The following CCNY variants were observed in gnomAD, a reference collection of about 807,000 sequenced individuals.
The protein encoded by CCNY is cyclin-Y.
A neutral mutation model predicts 42.8 loss-of-function variants in CCNY; 19 were observed. The observed-to-expected ratio is 0.44, with a 90% CI of 0.31 to 0.65. CCNY has a LOEUF of 0.65. Among genes scored for constraint, CCNY ranks in the 30% least tolerant of loss-of-function variants. CCNY has a pLI of 0.07. For missense variants in CCNY, 370 were observed against 437.3 expected (o/e 0.85, Z 1.37); for synonymous variants, 165 against 162.7 (o/e 1.01, Z -0.11).
chr10:35,448,854 C>G (rs1039871821), intron 1 of CCNY, among the ~76,000 whole-genome samples: 1 of 152,022 alleles, frequency 6.6e-6, no homozygotes, highest in African/African-American at 2.4e-5. Context: ...GGCAGGATTC[C>G]TGTGGCAACT....
chr10:35,516,953 C>G (rs1840443201), intron 4 of CCNY, among the ~76,000 whole-genome samples: 1 of 151,480 alleles, frequency 6.6e-6, no homozygotes, highest in African/African-American at 2.4e-5. Flanking sequence ...TGCTTTCTAC[C>G]CTTGCACTTT....
chr10:35,310,190 T>C (rs1413514806), intron 3 of CCNY, among the ~76,000 whole-genome samples: 1 of 152,226 alleles, frequency 6.6e-6, no homozygotes, highest in Non-Finnish European at 1.5e-5. Flanking sequence ...TGTCTTTCTG[T>C]GCCTGGCTTA....
chr10:35,525,115 C>T (rs945939117), intron 4 of CCNY, among the ~76,000 whole-genome samples: 43 of 151,642 alleles, frequency 2.8e-4, no homozygotes, highest in Non-Finnish European at 2.1e-4. Context: ...GTAAATTATT[C>T]GACAATCATA....
Position 35,494,234 on chromosome 10 carries a change from A to ACCCC in CCNY, c.230-7259_230-7256dup, listed in dbSNP as rs3067564. Among the ~76,000 whole-genome samples, 123 of 109,774 alleles carry ACCCC rather than the reference A, an allele frequency of 1.1e-3. 2 individuals are homozygous for ACCCC. Among genetic ancestry groups the ACCCC allele is most frequent in the Non-Finnish European group, 1.6e-3 (86 of 54,146 alleles). 72.0% of individuals were successfully genotyped at this position (109,774 alleles called of 152,430 possible). A position where few individuals can be genotyped will look rare whatever the true frequency, so the allele number is the denominator to read the frequency against. The stretch of plus-strand genomic sequence containing the variant: ...AGACCAGCCTGGACAGCATAGTGAG[A>ACCCC]CCCCCCCCCCCATTTCTACAAAAAA... On this transcript the variant is annotated intron_variant, in intron 2 of 9. Coordinates refer to ENST00000374704, the MANE Select transcript of CCNY (RefSeq NM_145012.6).
chr10:35,302,900 T>A (rs954195323), intron 3 of CCNY, among the ~76,000 whole-genome samples: 1 of 152,078 alleles, frequency 6.6e-6, no homozygotes, highest in East Asian at 1.9e-4. Flanking sequence ...TATTAGAAAT[T>A]ATAAAGGTAA....
intron 1 of CCNY, among the ~76,000 whole-genome samples, chr10:35,407,173 T>C (rs1397263058): frequency 1.3e-5 from 2 of 152,012 alleles, no homozygotes; most frequent in African/African-American, 4.8e-5. Context: ...AAGAGGAAAT[T>C]GTTGGGCAGG....
intron 1 of CCNY, among the ~76,000 whole-genome samples, chr10:35,381,846 G>A (rs1012527053): frequency 5.9e-5 from 9 of 152,178 alleles, no homozygotes; most frequent in African/African-American, 1.7e-4. Flanking sequence ...TGGAGTTTTT[G>A]TCCAAGAGTC....
chr10:35,500,911 C>T (rs1722175467), intron 2 of CCNY, among the ~76,000 whole-genome samples: 1 of 152,146 alleles, frequency 6.6e-6, no homozygotes, highest in South Asian at 2.1e-4. Flanking sequence ...ATTATGGTGA[C>T]CTCTGTCAGC....
intron 3 of CCNY, among the ~76,000 whole-genome samples, chr10:35,507,951 G>A (rs188901405): frequency 1.0e-3 from 155 of 152,212 alleles, no homozygotes; most frequent in African/African-American, 3.3e-3. Context: ...GACTCTTGTT[G>A]CTGATGTTGA....
At chr10:35,275,608 A>G (rs1254918675) in intron 3 of CCNY, among the ~76,000 whole-genome samples, 1 of 151,810 alleles carries the variant, frequency 6.6e-6, no homozygotes, top group African/African-American at 2.4e-5. Context: ...CCAAAAATAC[A>G]AAAAATTAGC....
At chr10:35,460,250 C>G (rs770511479) in intron 1 of CCNY, among the ~76,000 whole-genome samples, 12 of 152,234 alleles carry the variant, frequency 7.9e-5, no homozygotes, top group Non-Finnish European at 1.5e-4. Context: ...TCGTATATCT[C>G]TATTTAGTTA....
intron 1 of CCNY, among the ~76,000 whole-genome samples, chr10:35,426,724 C>G (rs1364442277): frequency 1.3e-5 from 2 of 152,158 alleles, no homozygotes; most frequent in African/African-American, 4.8e-5. Context: ...ACCCTTTGTC[C>G]AAAACATAAA....
At chr10:35,255,383 C>T (rs1009309154) in intron 3 of CCNY, among the ~76,000 whole-genome samples, 5 of 150,666 alleles carry the variant, frequency 3.3e-5, no homozygotes, top group African/African-American at 9.8e-5. Flanking sequence ...TGAAGTGGCA[C>T]GATCTCGGCT....
At chr10:35,485,354 G>A (rs1040349949) in intron 2 of CCNY, among the ~76,000 whole-genome samples, 1 of 152,226 alleles carries the variant, frequency 6.6e-6, no homozygotes, top group Non-Finnish European at 1.5e-5. Context: ...TCTGTTTTCA[G>A]ATGGGCAGTT....
rs749701305 is a variant in CCNY at position 35,553,079 on chromosome 10, C to A, written c.640C>A (p.Arg214=). ...AGATATCTGTCCGGCCAACTGGAAG[C>A]GGATTGTTTTAGGGGCGATCCTGCT... The part of the protein sequence containing the change: ...EIDICPANWK[R]IVLGAILLAS... Residue 214 remains arginine (R), a synonymous_variant, in exon 8 of 10, where the codon CGG becomes AGG. Coordinates refer to ENST00000374704, the MANE Select transcript of CCNY (RefSeq NM_145012.6). 4 of 1,613,974 alleles carry A rather than the reference C, an allele frequency of 2.5e-6. No individual in the cohort carries two copies. Among genetic ancestry groups the A allele is most frequent in the Non-Finnish European group, 3.4e-6 (4 of 1,180,024 alleles).
At chr10:35,433,280 T>C (rs1477320513) in intron 1 of CCNY, among the ~76,000 whole-genome samples, 1 of 152,214 alleles carries the variant, frequency 6.6e-6, no homozygotes, top group Non-Finnish European at 1.5e-5. Context: ...TGAAATAAAA[T>C]ACATTTTTCC....
At position 35,465,932 on chromosome 10, in the gene CCNY, A is replaced by T. The variant is rs3003978; in HGVS notation, c.155-17472A>T. ...GAGAGAGAGAGAGAGAGAGAGAGAG[A>T]GAGAGAGTGTGTGTGTGTGTGTGTG... On this transcript the variant is annotated intron_variant, in intron 1 of 9. Transcript: ENST00000374704. Among the ~76,000 whole-genome samples the T allele has an allele frequency of 2.2e-3, 310 of 137,996 alleles. 3 individuals are homozygous for T. Among genetic ancestry groups the T allele is most frequent in the African/African-American group, 8.6e-3 (293 of 34,196 alleles). The allele number at this position is 137,996 out of a possible 152,430, so 90.5% of individuals were successfully genotyped here.
intron 3 of CCNY, among the ~76,000 whole-genome samples, chr10:35,263,138 C>T (rs532870391): frequency 3.3e-5 from 5 of 151,844 alleles, no homozygotes; most frequent in South Asian, 2.1e-4. Flanking sequence ...GGGTGGATCA[C>T]GAGGTTAGGG....
At chr10:35,298,179 G>C (rs1469693065) in intron 3 of CCNY, among the ~76,000 whole-genome samples, 1 of 152,122 alleles carries the variant, frequency 6.6e-6, no homozygotes, top group African/African-American at 2.4e-5. Context: ...TTGTTGAAGT[G>C]TAATTAACGT....
Sources: allele counts gnomAD v4.1 joint callset (sites outside exome capture counted in the v4.1 genomes callset), GRCh38; gene constraint gnomAD v4.1.1; transcripts MANE v1.5; gene names NCBI Gene and HGNC (gene_info 2026-07-23, HGNC 2026-07-21).